GRK3: variants seen among roughly 807,000 people sequenced by gnomAD.
The protein encoded by GRK3 is adrenergic, beta, receptor kinase 2.
A neutral mutation model predicts 95.7 loss-of-function variants in GRK3; 54 were observed. The ratio of observed to expected loss-of-function variants is 0.56; its 90% CI spans 0.45 to 0.71. GRK3 has a LOEUF of 0.71. GRK3 is among the 30% of genes least tolerant of loss of function. The probability of loss-of-function intolerance (pLI) is 0.00; values close to 1 mark genes in which losing one functional copy is unlikely to be tolerated. For missense variants in GRK3, 649 were observed against 851.2 expected (o/e 0.76, Z 2.96); for synonymous variants, 281 against 290.8 (o/e 0.97, Z 0.34).
At chr22:25,639,481 A>G (rs1299796220) in intron 2 of GRK3, among the ~76,000 whole-genome samples, 2 of 152,108 alleles carry the variant, frequency 1.3e-5, no homozygotes, top group African/African-American at 4.8e-5. Context: ...CTGGGACCTT[A>G]TATTTCTGTT....
At chr22:25,650,933 G>A (rs5761149) in intron 3 of GRK3, among the ~76,000 whole-genome samples, 2,889 of 152,072 alleles carry the variant, frequency 0.019, 44 homozygotes, top group Non-Finnish European at 0.028. Flanking sequence ...TTCCCCTTTA[G>A]AATATATTAA....
intron 6 of GRK3, among the ~76,000 whole-genome samples, chr22:25,669,896 CA>C (rs1482312150): frequency 6.6e-6 from 1 of 152,228 alleles, no homozygotes; most frequent in Non-Finnish European, 1.5e-5. Flanking sequence ...GCTAGCCTCA[CA>C]AACCAAGTGC....
At chr22:25,703,338 A>G (rs1317873058) in intron 13 of GRK3, among the ~76,000 whole-genome samples, 172 bp from the exon 14 acceptor site, 1 of 152,212 alleles carries the variant, frequency 6.6e-6, no homozygotes, top group African/African-American at 2.4e-5. Context: ...TTCAGGACCT[A>G]GCATTTATTC....
intron 3 of GRK3, among the ~76,000 whole-genome samples, chr22:25,652,673 A>G (rs1171665944): frequency 6.6e-6 from 1 of 152,210 alleles, no homozygotes; most frequent in African/African-American, 2.4e-5. Context: ...AAGATAATTT[A>G]TAAAAGAATA....
chr22:25,604,249 C>T (rs918842078), intron 1 of GRK3, 128 bp from the exon 2 acceptor site: 2 of 596,872 alleles, frequency 3.4e-6, no homozygotes, highest in Admixed American at 6.8e-5. Flanking sequence ...GCATTTCACG[C>T]AGTTGTGGCA....
chr22:25,679,009 C>A, intron 9 of GRK3, 94 bp downstream of exon 9: 1 of 814,158 alleles, frequency 1.2e-6, no homozygotes, highest in Non-Finnish European at 1.9e-6. Flanking sequence ...GATTGCAAGG[C>A]CAGTGAGTTC....
chr22:25,725,964 G>C lies in GRK3; in HGVS notation c.*3514G>C, dbSNP rs2085470780. ...ACTCTGTCTCAAAAAAAAAAAGGAG[G>C]GGGGCTAAATATCCAGTGAGATGCA... On this transcript the variant is annotated 3_prime_UTR_variant, in exon 21 of 21. Coordinates refer to ENST00000324198, the MANE Select transcript of GRK3 (RefSeq NM_005160.4). 5.5e-6 allele frequency: 1 copy of C among 182,036 alleles called. No individual in the cohort carries two copies. The highest frequency in any genetic ancestry group is 6.2e-5 in the Admixed American group (1 of 16,096). The allele number at this position is 182,036 out of a possible 1,614,324, so 11.3% of individuals were successfully genotyped here.
chr22:25,709,982 A>T lies in GRK3; in HGVS notation c.1395+18A>T, dbSNP rs2085331109. On this transcript the variant is annotated intron_variant, in intron 16 of 20. Transcript: ENST00000324198. ...TACAAAAGGTACTCACTCCCTCTTG[A>T]CTCTACTTACGGTACTGCCGCCCCG... 1 of 1,587,878 alleles carries T rather than the reference A, an allele frequency of 6.3e-7. No individual in the cohort carries two copies. Among genetic ancestry groups the T allele is most frequent in the Non-Finnish European group, 8.6e-7 (1 of 1,156,458 alleles).
chr22:25,585,647 C>G (rs2146322797), intron 1 of GRK3, among the ~76,000 whole-genome samples: 1 of 152,376 alleles, frequency 6.6e-6, no homozygotes, highest in Admixed American at 6.5e-5. Flanking sequence ...GCTCTTTGTT[C>G]CACTGTCATT....
At chr22:25,583,891 A>G (rs1051821117) in intron 1 of GRK3, among the ~76,000 whole-genome samples, 2 of 152,252 alleles carry the variant, frequency 1.3e-5, no homozygotes. Flanking sequence ...AGGTTATAAC[A>G]TCATATTTCA....
chr22:25,685,660 C>G (rs2085107276), intron 10 of GRK3, among the ~76,000 whole-genome samples: 1 of 152,152 alleles, frequency 6.6e-6, no homozygotes, highest in African/African-American at 2.4e-5. Context: ...GGGCCAAGTA[C>G]AGATTTTAGC....
intron 1 of GRK3, among the ~76,000 whole-genome samples, chr22:25,576,609 G>T (rs1032327505): frequency 6.6e-6 from 1 of 152,206 alleles, no homozygotes; most frequent in Non-Finnish European, 1.5e-5. Flanking sequence ...GGAAATTCAG[G>T]TTCAGGGAGA....
At chr22:25,710,014 C>T (rs763338447) in intron 16 of GRK3, 50 bp downstream of exon 16, 5 of 1,325,272 alleles carry the variant, frequency 3.8e-6, no homozygotes, top group Non-Finnish European at 5.5e-6. Context: ...CCCGCCCTTA[C>T]CCGCTCATCT....
chr22:25,700,335 G>C (rs566980765), intron 13 of GRK3, among the ~76,000 whole-genome samples: 2 of 152,284 alleles, frequency 1.3e-5, no homozygotes, highest in East Asian at 3.9e-4. Context: ...TCTTCACCTA[G>C]ATTTAAGATG....
intron 18 of GRK3, chr22:25,715,187 A>G (rs1355832096): frequency 6.6e-6 from 1 of 152,200 alleles, no homozygotes; most frequent in Non-Finnish European, 1.5e-5. Flanking sequence ...TTAAATATAT[A>G]AAGACATTTA....
chr22:25,678,812 C>G lies in GRK3; in HGVS notation c.648-4C>G. 7.8e-6 allele frequency: 12 copies of G among 1,534,648 alleles called. No individual in the cohort carries two copies. The highest frequency in any genetic ancestry group is 1.1e-5 in the Non-Finnish European group (12 of 1,117,926). Reference sequence around the variant, plus strand: ...TAGATTTTTCAATAAATTTATGTTTCTAGGTATGCAATGAAATGCTTAGAT... The same window carrying G: ...TAGATTTTTCAATAAATTTATGTTTGTAGGTATGCAATGAAATGCTTAGAT... On this transcript the variant is annotated splice_region_variant and splice_polypyrimidine_tract_variant and intron_variant, in intron 8 of 20. Transcript: ENST00000324198.
At chr22:25,573,961 A>T (rs1931798709) in intron 1 of GRK3, among the ~76,000 whole-genome samples, 3 of 152,112 alleles carry the variant, frequency 2.0e-5, no homozygotes. Context: ...CAACACCAAC[A>T]ACACCACCAC....
intron 1 of GRK3, among the ~76,000 whole-genome samples, chr22:25,591,328 C>T (rs987998830): frequency 1.3e-5 from 2 of 152,192 alleles, no homozygotes; most frequent in Admixed American, 1.3e-4. Context: ...GAGTGCACCA[C>T]CTTCCCATCT....
intron 1 of GRK3, among the ~76,000 whole-genome samples, chr22:25,573,969 C>G (rs775642046): frequency 3.3e-5 from 5 of 152,120 alleles, no homozygotes; most frequent in African/African-American, 4.8e-5. Context: ...ACAACACCAC[C>G]ACCAACAACA....
Sources: allele counts gnomAD v4.1 joint callset (sites outside exome capture counted in the v4.1 genomes callset), GRCh38; gene constraint gnomAD v4.1.1; transcripts MANE v1.5; gene names NCBI Gene and HGNC (gene_info 2026-07-23, HGNC 2026-07-21).